Variants in SNTB2 observed in about 807,000 individuals in gnomAD.
SNTB2 encodes the protein syntrophin beta 2, also known as beta-2-syntrophin.
Under a neutral mutation model 46.2 loss-of-function variants are expected in SNTB2, and 34 were observed. The ratio of observed to expected loss-of-function variants is 0.74; its 90% confidence interval spans 0.56 to 0.98. The LOEUF is 0.98. Among genes scored for constraint, SNTB2 ranks in the 50% least tolerant of loss-of-function variants. The probability of loss-of-function intolerance (pLI) is 0.00; values close to 1 mark genes in which losing one functional copy is unlikely to be tolerated. For synonymous variants in SNTB2, 290 were observed against 312.6 expected, an observed-to-expected ratio of 0.93 and a Z score of 0.76; for missense variants, 603 against 731.4, an observed-to-expected ratio of 0.82 and a Z score of 2.02.
intron 1 of SNTB2, among the ~76,000 whole-genome samples, chr16:69,209,335 T>G (rs1411710636): frequency 6.6e-6 from 1 of 152,214 alleles, no homozygotes; most frequent in South Asian, 2.1e-4. Context: ...TAGCCTGAAC[T>G]ATCATTGCTG....
chr16:69,197,472 A>G (rs1472382070), intron 1 of SNTB2, among the ~76,000 whole-genome samples: 1 of 152,214 alleles, frequency 6.6e-6, no homozygotes, highest in Admixed American at 6.5e-5. Context: ...TAAATATTTT[A>G]TTAGTAATAT....
chr16:69,221,810 A>G (rs1434304827), intron 1 of SNTB2, among the ~76,000 whole-genome samples: 1 of 152,124 alleles, frequency 6.6e-6, no homozygotes, highest in African/African-American at 2.4e-5. Flanking sequence ...GTGTAGAACA[A>G]TTCTCTTTGC....
At chr16:69,210,846 AGT>A (rs1234801052) in intron 1 of SNTB2, among the ~76,000 whole-genome samples, 1 of 152,120 alleles carries the variant, frequency 6.6e-6, no homozygotes, top group Non-Finnish European at 1.5e-5. Context: ...TACAAAAATT[AGT>A]CAGGCGTGGT....
At chr16:69,294,811 G>A (rs1965207095) in intron 5 of SNTB2, among the ~76,000 whole-genome samples, 1 of 150,638 alleles carries the variant, frequency 6.6e-6, no homozygotes, top group African/African-American at 2.4e-5. Flanking sequence ...AAGAACTGTA[G>A]TTTTTGATTT....
At chr16:69,299,941 GAGTGT>G (rs1176571770) in intron 6 of SNTB2, among the ~76,000 whole-genome samples, 167 bp downstream of exon 6, 4 of 152,160 alleles carry the variant, frequency 2.6e-5, no homozygotes, top group Non-Finnish European at 5.9e-5. Flanking sequence ...ACCCAGGCTG[GAGTGT>G]AGTGGTGCAA....
chr16:69,187,205 G>GC lies in SNTB2; in HGVS notation c.41dup (p.Ala15GlyfsTer92). On this transcript the variant is annotated frameshift_variant, in exon 1 of 7. Coordinates refer to ENST00000336278, the MANE Select transcript of SNTB2 (RefSeq NM_006750.4). LOFTEE classifies it high-confidence loss of function. Reference sequence around the variant, plus strand: ...CGGCGACTGCGGCGGCTGGAGCGGGGCCGGCCATGGCGGTGTGGACGCGGG... The same window carrying GC: ...CGGCGACTGCGGCGGCTGGAGCGGGGCCCGGCCATGGCGGTGTGGACGCGGG... 2 of 1,410,376 alleles carry GC rather than the reference G, an allele frequency of 1.4e-6. No individual in the cohort carries two copies. The highest frequency in any genetic ancestry group is 1.8e-6 in the Non-Finnish European group (2 of 1,081,524). 87.4% of individuals were successfully genotyped at this position (1,410,376 alleles called of 1,614,324 possible). A position where few individuals can be genotyped will look rare whatever the true frequency, so the allele number is the denominator to read the frequency against.
intron 1 of SNTB2, among the ~76,000 whole-genome samples, chr16:69,202,227 G>A (rs1238112866): frequency 6.6e-6 from 1 of 152,134 alleles, no homozygotes; most frequent in Non-Finnish European, 1.5e-5. Context: ...CATTGTTCAT[G>A]TGCTTCCTAA....
At chr16:69,206,534 A>G (rs1265296434) in intron 1 of SNTB2, among the ~76,000 whole-genome samples, 5 of 151,604 alleles carry the variant, frequency 3.3e-5, no homozygotes, top group Non-Finnish European at 4.4e-5. Flanking sequence ...TCTACTAAAA[A>G]TACAAAATTA....
chr16:69,230,728 C>T (rs905386384), intron 1 of SNTB2, among the ~76,000 whole-genome samples: 1 of 151,118 alleles, frequency 6.6e-6, no homozygotes, highest in Admixed American at 6.6e-5. Flanking sequence ...TAAATTATTC[C>T]TAACCAACCC....
intron 1 of SNTB2, among the ~76,000 whole-genome samples, chr16:69,223,520 A>G (rs1230298796): frequency 6.6e-6 from 1 of 151,744 alleles, no homozygotes; most frequent in African/African-American, 2.4e-5. Context: ...TTATTAAACT[A>G]CAGTCTCTTT....
chr16:69,274,894 C>T (rs1364065430), intron 4 of SNTB2, among the ~76,000 whole-genome samples: 1 of 152,148 alleles, frequency 6.6e-6, no homozygotes. Context: ...TTCAAACATG[C>T]TCATACATGC....
At chr16:69,234,446 T>C (rs1279751957) in intron 1 of SNTB2, among the ~76,000 whole-genome samples, 1 of 152,230 alleles carries the variant, frequency 6.6e-6, no homozygotes, top group African/African-American at 2.4e-5. Flanking sequence ...TGTGAAGAGT[T>C]TATATAACAT....
At chr16:69,291,990 T>C (rs9928460) in intron 5 of SNTB2, among the ~76,000 whole-genome samples, 50,392 of 151,104 alleles carry the variant, frequency 0.33, 9,105 homozygotes, top group African/African-American at 0.46. Flanking sequence ...GAGGCCGAGG[T>C]GGGCGGATCA....
At chr16:69,259,405 T>G (rs1964812918) in intron 2 of SNTB2, among the ~76,000 whole-genome samples, 1 of 151,248 alleles carries the variant, frequency 6.6e-6, no homozygotes, top group Non-Finnish European at 1.5e-5. Flanking sequence ...GCTAAATTTT[T>G]TGTATTTTTG....
intron 2 of SNTB2, among the ~76,000 whole-genome samples, chr16:69,250,882 C>T (rs1441099639): frequency 6.6e-6 from 1 of 151,752 alleles, no homozygotes; most frequent in Non-Finnish European, 1.5e-5. Flanking sequence ...GAGATTCTGT[C>T]TCAAAAAGAA....
chr16:69,262,753 T>G (rs1192470763), intron 3 of SNTB2, among the ~76,000 whole-genome samples: 1 of 152,162 alleles, frequency 6.6e-6, no homozygotes, highest in Non-Finnish European at 1.5e-5. Context: ...CTCAGCTCAC[T>G]GCAACCTCTG....
intron 2 of SNTB2, among the ~76,000 whole-genome samples, chr16:69,253,240 T>C (rs184304678): frequency 2.0e-5 from 3 of 152,228 alleles, no homozygotes; most frequent in African/African-American, 7.2e-5. Context: ...GTGGACTCTT[T>C]TGGATCCTAG....
intron 1 of SNTB2, chr16:69,241,928 CA>C (rs10604855): frequency 0.35 from 22,296 of 63,786 alleles, 2,083 homozygotes; most frequent in African/African-American, 0.49. Flanking sequence ...GACCTTGTCT[CA>C]AAAAAAAAAA....
chr16:69,269,621 G>T (rs998109890), intron 3 of SNTB2, among the ~76,000 whole-genome samples: 2 of 152,120 alleles, frequency 1.3e-5, no homozygotes, highest in African/African-American at 2.4e-5. Context: ...ATATTGGGTT[G>T]CAATGTAAAC....
Sources: allele counts gnomAD v4.1 joint callset (sites outside exome capture counted in the v4.1 genomes callset), GRCh38; gene constraint gnomAD v4.1.1; transcripts MANE v1.5; gene names NCBI Gene and HGNC (gene_info 2026-07-23, HGNC 2026-07-21).